ZNF318: variants seen among roughly 807,000 people sequenced by gnomAD.
The protein encoded by ZNF318 is endocrine regulator.
In ZNF318, 51 loss-of-function variants were observed where a neutral mutation model predicts 124.2. The observed-to-expected ratio is 0.41, with a 90% CI of 0.33 to 0.52. The LOEUF is 0.52. Among genes scored for constraint, ZNF318 ranks in the 20% least tolerant of loss-of-function variants. The probability of loss-of-function intolerance (pLI) is 0.23; values close to 1 mark genes in which losing one functional copy is unlikely to be tolerated. For missense variants in ZNF318, 2,815 were observed against 2,811.2 expected (o/e 1.00, Z -0.03); for synonymous variants, 1,090 against 1,040.7 (o/e 1.05, Z -0.91).
chr6:43,339,609 G>C lies in ZNF318; in HGVS notation c.4389C>G (p.Ala1463=). The change falls in exon 10 of 10, where the codon GCC becomes GCG. Residue 1463 remains alanine, a synonymous_variant. Coordinates refer to ENST00000361428, the MANE Select transcript of ZNF318 (RefSeq NM_014345.3). This position sits in a 1 kb window ranked among gnomAD's most constrained non-coding sequence, Gnocchi z 4.2. The part of the protein sequence containing the change: ...PPPPVIPHPA[A]PSAAQANAIL... The stretch of plus-strand genomic sequence containing the variant: ...TAGCATTTGCTTGAGCAGCAGACGG[G>C]GCAGCTGGATGAGGTATAACGGGGG... 1 of 1,612,810 alleles carries C rather than the reference G, an allele frequency of 6.2e-7. No individual in the cohort carries two copies. The highest frequency in any genetic ancestry group is 8.5e-7 in the Non-Finnish European group (1 of 1,179,636).
chr6:43,360,007 T>C (rs74352976), intron 2 of ZNF318, among the ~76,000 whole-genome samples: 2,747 of 152,316 alleles, frequency 0.018, 42 homozygotes, highest in Middle Eastern at 0.058. Context: ...AGTCACTCCA[T>C]TGCCAAAACA....
At position 43,355,987 on chromosome 6, in the gene ZNF318, G is replaced by A. The variant is rs1289815177; in HGVS notation, c.1347C>T (p.Asn449=). 4 of 1,614,182 alleles carry A rather than the reference G, an allele frequency of 2.5e-6. No individual in the cohort carries two copies. Among genetic ancestry groups the A allele is most frequent in the East Asian group, 2.2e-5 (1 of 44,884 alleles). ...CAGGAAGGGGACCCCATTGGTAGAG[G>A]TTGCCCTGAGGTTCCTTCAAGGCAG... The part of the protein sequence containing the change: ...VETALKEPQG[N]LYQWGPLPGI... The change falls in exon 4 of 10, where the codon AAC becomes AAT. Residue 449 remains asparagine (N), a synonymous_variant. Coordinates refer to ENST00000361428, the MANE Select transcript of ZNF318 (RefSeq NM_014345.3).
intron 2 of ZNF318, among the ~76,000 whole-genome samples, chr6:43,362,025 GGTGT>G (rs1562136326): frequency 6.6e-6 from 1 of 152,054 alleles, no homozygotes; most frequent in African/African-American, 2.4e-5. Flanking sequence ...GGCGTCGGGT[GGTGT>G]GTGCCTGTAT....
rs1779283169 is a variant in ZNF318 at position 43,336,589 on chromosome 6, A to G, written c.*569T>C. On this transcript the variant is annotated 3_prime_UTR_variant, in exon 10 of 10. Transcript: ENST00000361428. ...CATGCCAATAAGGGGTGTAAACAGT[A>G]AACAAAAGAGCTACTCACGCTGCAT... The G allele has an allele frequency of 6.6e-6, 1 of 152,326 alleles. No homozygotes were observed. Among genetic ancestry groups the G allele is most frequent in the Non-Finnish European group, 1.5e-5 (1 of 68,050 alleles). 9.4% of individuals were successfully genotyped at this position (152,326 alleles called of 1,614,324 possible).
rs751254480 is a variant in ZNF318, at chr6:43,354,932, C to G, written c.2402G>C (p.Arg801Thr). The change falls in exon 4 of 10, where the codon AGA becomes ACA. Residue 801 changes from arginine (R) to threonine (T), a missense_variant. Transcript: ENST00000361428. ...YRHYMAYAAS[R>T]WPMYPTSQPS... Reference sequence around the variant, plus strand: ...TTGAGAGGTGGGATACATGGGCCATCTGGAGGCTGCATATGCCATGTAGTG... The same window carrying G: ...TTGAGAGGTGGGATACATGGGCCATGTGGAGGCTGCATATGCCATGTAGTG... 1 of 1,610,600 alleles carries G rather than the reference C, an allele frequency of 6.2e-7. No homozygotes were observed. The highest frequency in any genetic ancestry group is 1.1e-5 in the South Asian group (1 of 90,620).
At chr6:43,341,751 T>TA (rs1284435727) in intron 8 of ZNF318, among the ~76,000 whole-genome samples, 3 of 152,170 alleles carry the variant, frequency 2.0e-5, no homozygotes, top group African/African-American at 7.2e-5. Context: ...AAATATTGTA[T>TA]AGTTCTTAGT....
Position 43,355,012 on chromosome 6 carries a change from T to C in ZNF318, c.2322A>G (p.Ile774Met), listed in dbSNP as rs557638017. 1 of 1,611,350 alleles carries C rather than the reference T, an allele frequency of 6.2e-7. No individual in the cohort carries two copies. The change falls in exon 4 of 10, where the codon ATA becomes ATG. Residue 774 changes from isoleucine to methionine, a missense_variant. By Grantham distance (10) the Ile-to-Met change is conservative (BLOSUM62 1). Transcript: ENST00000361428. The stretch of plus-strand genomic sequence containing the variant: ...TGGCAGGTCCCTGGTAGTTCGGAGG[T>C]ATCCGAGCTGCAGCAAACTGAGAGG... ...PRASQFAAAR[I>M]PPNYQGPAIP...
Position 43,337,345 on chromosome 6 carries a change from G to T in ZNF318, c.6653C>A (p.Thr2218Lys), listed in dbSNP as rs749263212. Reference sequence around the variant, plus strand: ...ATCTACTTGCAGAATTGCCACCTCTGTGGTGGATGCATTCGATATTTCTAG... The same window carrying T: ...ATCTACTTGCAGAATTGCCACCTCTTTGGTGGATGCATTCGATATTTCTAG... ...LQLEISNASTTEVAILQVDDD... is the reference protein window; with the variant it reads ...LQLEISNASTKEVAILQVDDD... The change falls in exon 10 of 10, where the codon ACA (threonine) becomes AAA (lysine). Residue 2218 changes from threonine (T) to lysine (K), a missense_variant. Transcript: ENST00000361428. 15 of 1,614,132 alleles carry T rather than the reference G, an allele frequency of 9.3e-6. No homozygotes were observed. The highest frequency in any genetic ancestry group is 1.3e-5 in the Non-Finnish European group (15 of 1,180,004).
chr6:43,342,530 C>G, intron 7 of ZNF318, 146 bp downstream of exon 7: 1 of 816,858 alleles, frequency 1.2e-6, no homozygotes, highest in Non-Finnish European at 1.9e-6. Context: ...ATGGTGTCTC[C>G]TTTGTTGGTG....
Position 43,338,914 on chromosome 6 carries a change from G to C in ZNF318, c.5084C>G (p.Thr1695Ser). ...PYETITPKTD[T>S]LAIWTSSSFQ... The stretch of plus-strand genomic sequence containing the variant: ...GGAACTAGAGGTCCATATGGCCAAA[G>C]TGTCTGTCTTTGGGGTAATTGTTTC... Residue 1695 changes from threonine (T) to serine (S), a missense_variant, in exon 10 of 10, where the codon ACT becomes AGT. Physicochemically the swap from Thr to Ser is moderately conservative, Grantham distance 58. Around this residue, in one of 4 missense-constraint regions of ZNF318, gnomAD observed 927 missense variants for 820.6 expected, o/e 1.13. Transcript: ENST00000361428. 1.2e-6 allele frequency: 2 copies of C among 1,614,100 alleles called. No individual in the cohort carries two copies. Among genetic ancestry groups the C allele is most frequent in the Non-Finnish European group, 8.5e-7 (1 of 1,180,030 alleles).
At chr6:43,352,514 CA>C in intron 4 of ZNF318, 38 bp from the exon 5 acceptor site, 1 of 1,553,924 alleles carries the variant, frequency 6.4e-7, no homozygotes, top group Non-Finnish European at 8.9e-7. Context: ...CCATCTCCTC[CA>C]ACATTCTCTT....
At chr6:43,354,520 T>C (rs1169166663) in intron 4 of ZNF318, 144 bp downstream of exon 4, 1 of 719,152 alleles carries the variant, frequency 1.4e-6, no homozygotes, top group Non-Finnish European at 2.3e-6. Context: ...AGGAACAATA[T>C]ACACTTCTTA....
At chr6:43,348,202 T>TGTAAGAAAATAATTAACAAGA in intron 6 of ZNF318, 122 bp downstream of exon 6, 1 of 1,010,808 alleles carries the variant, frequency 9.9e-7, no homozygotes, top group South Asian at 1.6e-5. Context: ...TGATCTATAC[T>TGTAAGAAAATAATTAACAAGA]GTAAGAAAAT....
chr6:43,362,981 A>G (rs1375751267), intron 2 of ZNF318, among the ~76,000 whole-genome samples: 3 of 152,186 alleles, frequency 2.0e-5, no homozygotes, highest in Middle Eastern at 3.2e-3. Flanking sequence ...AGGGGGCAAC[A>G]GTATTTTTTA....
intron 2 of ZNF318, among the ~76,000 whole-genome samples, chr6:43,358,049 C>A (rs41281798): frequency 0.076 from 11,511 of 152,288 alleles, 576 homozygotes; most frequent in Admixed American, 0.11. Context: ...CAACTCCACA[C>A]AAGCTAAATT....
rs1779750428 is a variant in ZNF318, at chr6:43,365,577, T to A, written c.400-137A>T. ...TACCCAACACTTTGGGAGGCTGAGGTGTATAGGCCCAGGCAAGAATGTGAG... is the reference window on the plus strand; with the variant it reads ...TACCCAACACTTTGGGAGGCTGAGGAGTATAGGCCCAGGCAAGAATGTGAG... On this transcript the variant is annotated intron_variant, in intron 1 of 9. Transcript: ENST00000361428. 9 of 761,206 alleles carry A rather than the reference T, an allele frequency of 1.2e-5. No individual in the cohort carries two copies. In the South Asian group the frequency reaches 1.6e-4, roughly 14 times the overall value. 47.2% of individuals were successfully genotyped at this position (761,206 alleles called of 1,614,324 possible). A position where few individuals can be genotyped will look rare whatever the true frequency, so the allele number is the denominator to read the frequency against.
chr6:43,356,395 A>G (rs1191498933), intron 3 of ZNF318, among the ~76,000 whole-genome samples: 2 of 152,226 alleles, frequency 1.3e-5, no homozygotes, highest in Non-Finnish European at 2.9e-5. Context: ...ATTTGTTAAA[A>G]GGAATTTGAA....
rs1236444222 is a variant in ZNF318, at chr6:43,369,295, C to T, written c.71G>A (p.Arg24His). 1.5e-6 allele frequency: 2 copies of T among 1,339,818 alleles called. No individual in the cohort carries two copies. Among genetic ancestry groups the T allele is most frequent in the Admixed American group, 3.1e-5 (1 of 32,522 alleles). 83.0% of individuals were successfully genotyped at this position (1,339,818 alleles called of 1,614,324 possible). ...RPKDDGGGGP[R>H]SGRSSGSSSG... ...GGAGGAGCCAGAGCTGCGGCCGCTG[C>T]GCGGGCCGCCCCCGCCGTCGTCTTT... is the stretch of plus-strand genomic sequence containing the variant. Residue 24 changes from arginine to histidine, a missense_variant, in exon 1 of 10, where the codon CGC (arginine) becomes CAC (histidine). Physicochemically the swap from Arg to His is conservative, Grantham distance 29. Transcript: ENST00000361428.
In ZNF318 at chr6:43,361,261, AAGG is replaced by A. The variant is rs1581650699; in HGVS notation, c.549-3499_549-3497del. 2.6e-5 allele frequency among the ~76,000 whole-genome samples: 4 copies of A among 152,340 alleles called. No homozygotes were observed. In the East Asian group the frequency reaches 7.7e-4, roughly 29 times the overall value. On this transcript the variant is annotated intron_variant, in intron 2 of 9. Coordinates refer to ENST00000361428, the MANE Select transcript of ZNF318 (RefSeq NM_014345.3). ...TCCCACTCCTTCAATCTGTCAGAATAAGGAGAAGAAATTAGGCGATAAGCTGGG... is the reference window on the plus strand; with the variant it reads ...TCCCACTCCTTCAATCTGTCAGAATAAGAAGAAATTAGGCGATAAGCTGGG...
Sources: gnomAD v4.1 joint callset for allele counts (sites outside exome capture counted in the v4.1 genomes callset) on GRCh38, gnomAD v4.1.1 for gene constraint, gnomAD v4.1.1 regional missense constraint, Gnocchi (gnomAD v3.1) non-coding constraint, MANE v1.5 for transcripts, NCBI Gene and HGNC (gene_info 2026-07-23, HGNC 2026-07-21) for gene names.